PHGDH: variants seen among roughly 807,000 people sequenced by gnomAD.
The protein encoded by PHGDH is phosphoglycerate dehydrogenase, also known as D-3-phosphoglycerate dehydrogenase.
Under a neutral mutation model 52.6 loss-of-function variants are expected in PHGDH, and 50 were observed. The ratio of observed to expected loss-of-function variants is 0.95; its 90% CI spans 0.76 to 1.20. PHGDH has a LOEUF of 1.20. PHGDH is among the 50% of genes most tolerant of loss of function. The pLI, the probability that PHGDH is intolerant of heterozygous loss-of-function variation, is 0.00. For missense variants in PHGDH, 630 were observed against 684.6 expected (o/e 0.92, Z 0.89); for synonymous variants, 271 against 280.5 (o/e 0.97, Z 0.34).
chr1:119,714,506 A>G (rs1650834397), intron 1 of PHGDH: 1 of 152,186 alleles, frequency 6.6e-6, no homozygotes, highest in Admixed American at 6.5e-5. Context: ...TTGTTTCATG[A>G]ATTTTGTTTC....
chr1:119,731,832 A>G (rs2246410), intron 5 of PHGDH, among the ~76,000 whole-genome samples: 113,397 of 152,064 alleles, frequency 0.75, 42,408 homozygotes, highest in East Asian at 0.82. Context: ...GCTATTCCAA[A>G]GACAGATACT....
At chr1:119,712,380 G>A (rs1570981093) in intron 1 of PHGDH, 1 of 551,156 alleles carries the variant, frequency 1.8e-6, no homozygotes, top group Non-Finnish European at 3.3e-6. Context: ...TTGCAACCGC[G>A]TCTTTCACGT....
chr1:119,737,283 G>T lies in PHGDH; in HGVS notation c.945+17G>T, dbSNP rs990166794. ...ACGGGGGTTGTAAGTATCACCACCTGGGGCTGGGGGCCAGGAGTCAGAGGG... is the reference window on the plus strand; with the variant it reads ...ACGGGGGTTGTAAGTATCACCACCTTGGGCTGGGGGCCAGGAGTCAGAGGG... On this transcript the variant is annotated intron_variant, in intron 8 of 11. Transcript: ENST00000641023. The T allele has an allele frequency of 2.5e-6, 4 of 1,606,810 alleles. No homozygotes were observed. The African/African-American group carries it at 5.3e-5, about 21-fold the overall frequency.
chr1:119,730,784 T>C (rs971282067), intron 5 of PHGDH, among the ~76,000 whole-genome samples: 1 of 152,164 alleles, frequency 6.6e-6, no homozygotes, highest in African/African-American at 2.4e-5. Context: ...TTGAAGGGAT[T>C]AGTGCTTGGT....
chr1:119,731,778 A>G (rs953551091), intron 5 of PHGDH, among the ~76,000 whole-genome samples: 1 of 152,206 alleles, frequency 6.6e-6, no homozygotes, highest in African/African-American at 2.4e-5. Context: ...TTTATTCATG[A>G]TCCATTTTAG....
At chr1:119,720,599 T>G (rs1651104066) in intron 1 of PHGDH, 3 of 183,652 alleles carry the variant, frequency 1.6e-5, no homozygotes, top group Admixed American at 5.3e-5. Context: ...CTCACACACT[T>G]GAGAAGGCCG....
rs769638440 is a variant in PHGDH, at chr1:119,726,839, C to T, written c.357-12C>T. 4.3e-6 allele frequency: 7 copies of T among 1,612,980 alleles called. No homozygotes were observed. Among genetic ancestry groups the T allele is most frequent in the South Asian group, 1.1e-5 (1 of 91,042 alleles). On this transcript the variant is annotated splice_polypyrimidine_tract_variant and intron_variant, in intron 3 of 11. Transcript: ENST00000641023. ...CCGAATGGACCCTCTGAACCTGTGTCTATCCTTGCAGGCAGATTCCCCAGG... is the reference window on the plus strand; with the variant it reads ...CCGAATGGACCCTCTGAACCTGTGTTTATCCTTGCAGGCAGATTCCCCAGG...
intron 6 of PHGDH, 118 bp downstream of exon 6, chr1:119,734,884 G>A (rs1340786040): frequency 8.8e-7 from 1 of 1,132,830 alleles, no homozygotes; most frequent in Non-Finnish European, 1.3e-6. Context: ...AGGTCCACCT[G>A]GGTCCTGCAG....
At chr1:119,743,860 CA>C in intron 11 of PHGDH, 25 bp from the exon 12 acceptor site, 1 of 1,604,144 alleles carries the variant, frequency 6.2e-7, no homozygotes, top group Non-Finnish European at 8.5e-7. Context: ...TCCCCTGTGC[CA>C]ACCAGGAGTT....
chr1:119,739,737 A>G (rs1652103106), intron 8 of PHGDH: 1 of 152,358 alleles, frequency 6.6e-6, no homozygotes, highest in South Asian at 2.1e-4. Flanking sequence ...ATTTTGGCCC[A>G]GAACAAGCTG....
intron 9 of PHGDH, 101 bp from the exon 10 acceptor site, chr1:119,741,666 G>A: frequency 9.1e-7 from 1 of 1,095,330 alleles, no homozygotes; most frequent in Non-Finnish European, 1.4e-6. Context: ...CCCCAGGGCA[G>A]CGAGGAGCCC....
chr1:119,730,933 A>G (rs587772147), intron 5 of PHGDH, among the ~76,000 whole-genome samples: 25 of 152,312 alleles, frequency 1.6e-4, no homozygotes, highest in African/African-American at 6.0e-4. Flanking sequence ...GTTAATACTT[A>G]AGGGTGCAGA....
chr1:119,715,297 C>A (rs954721301), intron 1 of PHGDH, among the ~76,000 whole-genome samples: 7 of 152,200 alleles, frequency 4.6e-5, no homozygotes, highest in African/African-American at 1.7e-4. Context: ...TTTACTGAAG[C>A]ACATCCATAC....
chr1:119,728,622 C>T (rs949474000), intron 5 of PHGDH, among the ~76,000 whole-genome samples: 4 of 152,140 alleles, frequency 2.6e-5, no homozygotes, highest in African/African-American at 9.7e-5. Flanking sequence ...GTAGCAGTGC[C>T]ACCCACTTGG....
rs587717995 is a variant in PHGDH at position 119,737,534 on chromosome 1, C to T, written c.945+268C>T. Among the ~76,000 whole-genome samples, 90 of 152,290 alleles carry T rather than the reference C, an allele frequency of 5.9e-4. 1 individual carries two copies. Among genetic ancestry groups the T allele is most frequent in the Non-Finnish European group, 1.0e-3 (70 of 68,010 alleles). On this transcript the variant is annotated intron_variant, in intron 8 of 11. Transcript: ENST00000641023. ...TGCAGAGATTGTGGCCCTTCCCAGG[C>T]CCAGCCTCTAGAGAAAGGCTCCTTT... is the stretch of plus-strand genomic sequence containing the variant.
Position 119,734,766 on chromosome 1 carries a change from G to C in PHGDH, c.643G>C (p.Gly215Arg), listed in dbSNP as rs1438124818. Residue 215 changes from glycine to arginine, a missense_variant and splice_region_variant, in exon 6 of 12, where the codon GGC becomes CGC. Physicochemically the swap from Gly to Arg is moderately radical, Grantham distance 125 (BLOSUM62 -2). Transcript: ENST00000641023. ...CACTCCTCTCCTGCCCTCCACGACAGGTAGGTGTGTCCTTACATTGTGGAT... is the reference window on the plus strand; with the variant it reads ...CACTCCTCTCCTGCCCTCCACGACACGTAGGTGTGTCCTTACATTGTGGAT... Reference protein sequence around the residue: ...VHTPLLPSTTGLLNDNTFAQC... With the variant: ...VHTPLLPSTTRLLNDNTFAQC... The C allele has an allele frequency of 6.2e-7, 1 of 1,614,084 alleles. No homozygotes were observed. Among genetic ancestry groups the C allele is most frequent in the African/African-American group, 1.3e-5 (1 of 75,038 alleles).
chr1:119,720,825 A>C (rs587637741), intron 1 of PHGDH: 1 of 370,972 alleles, frequency 2.7e-6, no homozygotes, highest in African/African-American at 2.1e-5. Flanking sequence ...GACTTCCAGC[A>C]TGTGTCTGAT....
intron 5 of PHGDH, among the ~76,000 whole-genome samples, chr1:119,731,178 TAAA>T (rs1263644107): frequency 6.6e-6 from 1 of 152,180 alleles, no homozygotes; most frequent in African/African-American, 2.4e-5. Context: ...TTGGCAGCAT[TAAA>T]AGAAGTATGG....
chr1:119,731,222 C>T (rs1461038272), intron 5 of PHGDH, among the ~76,000 whole-genome samples: 2 of 152,192 alleles, frequency 1.3e-5, no homozygotes, highest in Non-Finnish European at 2.9e-5. Context: ...ACATTCCTCA[C>T]ACTGTGGCCT....
Sources: gnomAD v4.1 joint callset for allele counts (sites outside exome capture counted in the v4.1 genomes callset) on GRCh38, gnomAD v4.1.1 for gene constraint, MANE v1.5 for transcripts, NCBI Gene and HGNC (gene_info 2026-07-23, HGNC 2026-07-21) for gene names.